Variants in SBF2 observed in about 807,000 individuals in gnomAD.
The protein encoded by SBF2 is SET binding factor 2, also known as myotubularin-related protein 13.
A neutral mutation model predicts 225.2 loss-of-function variants in SBF2; 112 were observed. The ratio of observed to expected loss-of-function variants is 0.50; its 90% CI spans 0.43 to 0.58. The LOEUF is 0.58. SBF2 is among the 20% of genes least tolerant of loss of function. The pLI is 0.00. For missense variants in SBF2, 1,996 were observed against 2,206.2 expected, an observed-to-expected ratio of 0.90 and a Z score of 1.91; for synonymous variants, 763 against 773.3, an observed-to-expected ratio of 0.99 and a Z score of 0.22.
chr11:9,862,758 G>A (rs776644293), intron 17 of SBF2, among the ~76,000 whole-genome samples: 2 of 151,918 alleles, frequency 1.3e-5, no homozygotes, highest in Non-Finnish European at 2.9e-5. Flanking sequence ...ATTATTTTGT[G>A]TTTATTTTAT....
At chr11:10,243,511 T>C (rs2135466619) in intron 1 of SBF2, among the ~76,000 whole-genome samples, 1 of 151,816 alleles carries the variant, frequency 6.6e-6, no homozygotes, top group Admixed American at 6.6e-5. Flanking sequence ...AAAAAAAATT[T>C]TTTAATGACA....
At chr11:10,179,424 A>C (rs1956635209) in intron 2 of SBF2, among the ~76,000 whole-genome samples, 1 of 149,514 alleles carries the variant, frequency 6.7e-6, no homozygotes, top group African/African-American at 2.5e-5. Flanking sequence ...AACAAAAAAA[A>C]CTTATTTTTG....
intron 13 of SBF2, among the ~76,000 whole-genome samples, chr11:9,971,148 T>A (rs867398895): frequency 6.6e-6 from 1 of 152,118 alleles, no homozygotes; most frequent in African/African-American, 2.4e-5. Context: ...TTATTTAAAG[T>A]ATATTCATTA....
chr11:10,045,961 T>C (rs1356584945), intron 2 of SBF2, among the ~76,000 whole-genome samples: 1 of 151,744 alleles, frequency 6.6e-6, no homozygotes, highest in Non-Finnish European at 1.5e-5. Context: ...ATCAAAAATA[T>C]TTGAAAAAAA....
At chr11:10,146,518 G>A (rs999494151) in intron 2 of SBF2, among the ~76,000 whole-genome samples, 1 of 152,090 alleles carries the variant, frequency 6.6e-6, no homozygotes, top group African/African-American at 2.4e-5. Flanking sequence ...CTGGCTAGCC[G>A]TATGCAGAAA....
intron 1 of SBF2, among the ~76,000 whole-genome samples, chr11:10,257,894 T>G (rs541561291): frequency 2.0e-5 from 3 of 147,866 alleles, no homozygotes; most frequent in African/African-American, 7.5e-5. Flanking sequence ...GAGGCAGAGG[T>G]TGCAGTGAAA....
At chr11:10,075,784 T>C (rs1316536425) in intron 2 of SBF2, among the ~76,000 whole-genome samples, 2 of 152,206 alleles carry the variant, frequency 1.3e-5, no homozygotes, top group Non-Finnish European at 2.9e-5. Flanking sequence ...TGGGTAGTTC[T>C]TTATAGCAGT....
chr11:9,979,573 T>A (rs1025731549), intron 13 of SBF2, among the ~76,000 whole-genome samples: 6 of 152,192 alleles, frequency 3.9e-5, no homozygotes, highest in Admixed American at 6.5e-5. Context: ...ATATCAGGCA[T>A]GGTTATAAAT....
rs1051019959 is a variant in SBF2, at chr11:9,790,402, C to T, written c.4698+154G>A. Reference sequence around the variant, plus strand: ...AACAGTCTCCATTTGTGTCACAACCCAAACCTATAGTGTCTCAAACTTTGA... The same window carrying T: ...AACAGTCTCCATTTGTGTCACAACCTAAACCTATAGTGTCTCAAACTTTGA... On this transcript the variant is annotated intron_variant, in intron 34 of 39. Coordinates refer to ENST00000256190, the MANE Select transcript of SBF2 (RefSeq NM_030962.4). Among the ~76,000 whole-genome samples the T allele has an allele frequency of 2.0e-5, 3 of 152,284 alleles. 1 individual carries two copies. In the Middle Eastern group the frequency reaches 0.01, roughly 518 times the overall value.
At chr11:10,137,593 T>C (rs1954441749) in intron 2 of SBF2, among the ~76,000 whole-genome samples, 1 of 152,248 alleles carries the variant, frequency 6.6e-6, no homozygotes, top group African/African-American at 2.4e-5. Context: ...TCTAAGATTT[T>C]TTAAAAATTA....
At chr11:9,901,192 T>C (rs1861693525) in intron 16 of SBF2, among the ~76,000 whole-genome samples, 1 of 152,218 alleles carries the variant, frequency 6.6e-6, no homozygotes, top group African/African-American at 2.4e-5. Context: ...GCAAGGAATA[T>C]GCAGACCAAA....
chr11:9,982,227 C>T (rs575770839), intron 13 of SBF2, among the ~76,000 whole-genome samples: 59 of 152,242 alleles, frequency 3.9e-4, no homozygotes, highest in African/African-American at 1.3e-3. Flanking sequence ...AGCTGACAAC[C>T]GCAGTGCCAA....
At position 9,789,691 on chromosome 11, in the gene SBF2, T is replaced by TA. The variant is rs557353556; in HGVS notation, c.4699-350dup. On this transcript the variant is annotated intron_variant, in intron 34 of 39. Coordinates refer to ENST00000256190, the MANE Select transcript of SBF2 (RefSeq NM_030962.4). ...CTCTCTTCTCCACCCACCCCTATCT[T>TA]ACATTCTAAGGGTCTTAACATGAAT... Among the ~76,000 whole-genome samples the TA allele has an allele frequency of 3.3e-5, 5 of 152,270 alleles. No homozygotes were observed. In the South Asian group the frequency reaches 1.0e-3, roughly 32 times the overall value.
intron 16 of SBF2, among the ~76,000 whole-genome samples, chr11:9,900,854 A>G (rs1172476466): frequency 1.6e-4 from 25 of 152,128 alleles, no homozygotes; most frequent in Non-Finnish European, 2.9e-5. Context: ...CTCCTGCCTC[A>G]GCCTTCCAAG....
At chr11:10,074,962 C>T (rs887514076) in intron 2 of SBF2, among the ~76,000 whole-genome samples, 2 of 152,120 alleles carry the variant, frequency 1.3e-5, no homozygotes, top group African/African-American at 4.8e-5. Flanking sequence ...ATTAATGTTT[C>T]CTTAATATTA....
intron 12 of SBF2, among the ~76,000 whole-genome samples, chr11:9,989,929 A>G (rs1947353361): frequency 6.6e-6 from 1 of 152,212 alleles, no homozygotes; most frequent in South Asian, 2.1e-4. Flanking sequence ...CTTAACTCAC[A>G]AAACATGAAC....
chr11:10,047,591 C>T (rs1047683769), intron 2 of SBF2, among the ~76,000 whole-genome samples: 2 of 152,140 alleles, frequency 1.3e-5, no homozygotes, highest in African/African-American at 4.8e-5. Flanking sequence ...ATGTTTCTAT[C>T]CCCATCTCTT....
chr11:10,075,384 T>G (rs1951057553), intron 2 of SBF2, among the ~76,000 whole-genome samples: 1 of 152,214 alleles, frequency 6.6e-6, no homozygotes, highest in African/African-American at 2.4e-5. Context: ...GAGTAACATC[T>G]TCACTACTAC....
chr11:9,876,212 T>C (rs1367409564), intron 17 of SBF2, among the ~76,000 whole-genome samples: 1 of 152,200 alleles, frequency 6.6e-6, no homozygotes, highest in Non-Finnish European at 1.5e-5. Context: ...TGCCATGACA[T>C]TGGTCAAGCT....
Sources: allele counts gnomAD v4.1 joint callset (sites outside exome capture counted in the v4.1 genomes callset), GRCh38; gene constraint gnomAD v4.1.1; transcripts MANE v1.5; gene names NCBI Gene and HGNC (gene_info 2026-07-23, HGNC 2026-07-21).